Variants in VPS13B observed in about 807,000 individuals in gnomAD.
The protein encoded by VPS13B is intermembrane lipid transfer protein VPS13B.
Under a neutral mutation model 426.4 loss-of-function variants are expected in VPS13B, and 285 were observed. That is an observed-to-expected ratio of 0.67 (90% CI 0.61 to 0.74). The LOEUF (loss-of-function observed/expected upper bound fraction) is 0.74. Ranked by LOEUF, VPS13B falls within the 30% of genes least tolerant of loss-of-function variation. The pLI is 0.00. For synonymous variants in VPS13B, 1,676 were observed against 1,676.4 expected (o/e 1.00, Z 0.01); for missense variants, 4,537 against 4,782.6 (o/e 0.95, Z 1.51).
At chr8:99,285,435 G>A (rs1476471480) in intron 19 of VPS13B, among the ~76,000 whole-genome samples, 1 of 152,084 alleles carries the variant, frequency 6.6e-6, no homozygotes, top group Non-Finnish European at 1.5e-5. Context: ...AGAGTAAATA[G>A]TAGCTTCATT....
chr8:99,854,120 C>G lies in VPS13B; in HGVS notation c.10731C>G (p.Ser3577=). 2 of 1,613,386 alleles carry G rather than the reference C, an allele frequency of 1.2e-6. No individual in the cohort carries two copies. Among genetic ancestry groups the G allele is most frequent in the Non-Finnish European group, 1.7e-6 (2 of 1,179,566 alleles). Residue 3577 remains serine, a synonymous_variant, in exon 56 of 62, where the codon TCC becomes TCG. Coordinates refer to ENST00000357162, the MANE Select transcript of VPS13B (RefSeq NM_152564.5). ...ATTTGCTCGTCAGCATCCACGCTTC[C>G]CTCAAGCTGTACATAGCCTCAGACC... ...PVNLLVSIHA[S]LKLYIASDHT... is the part of the protein sequence containing the mutation.
At chr8:99,219,394 T>C (rs570554468) in intron 17 of VPS13B, among the ~76,000 whole-genome samples, 54 of 152,330 alleles carry the variant, frequency 3.5e-4, no homozygotes, top group African/African-American at 1.3e-3. Flanking sequence ...AAAGGCCCCA[T>C]TAGGCCTGCA....
intron 23 of VPS13B, among the ~76,000 whole-genome samples, chr8:99,461,787 C>A (rs1009998997): frequency 6.6e-6 from 1 of 152,142 alleles, no homozygotes; most frequent in African/African-American, 2.4e-5. Context: ...TAAAATGACA[C>A]CACCATCAGC....
intron 11 of VPS13B, 49 bp downstream of exon 11, chr8:99,135,782 C>T (rs768209661): frequency 6.2e-7 from 1 of 1,609,282 alleles, no homozygotes; most frequent in East Asian, 2.2e-5. Flanking sequence ...TTTGGGTGGA[C>T]ACATTGTATG....
intron 16 of VPS13B, among the ~76,000 whole-genome samples, chr8:99,183,208 T>C (rs537860807): frequency 9.8e-5 from 15 of 152,354 alleles, no homozygotes; most frequent in Non-Finnish European, 2.2e-4. Flanking sequence ...CGTTTTCTTC[T>C]TATTTAACAT....
At chr8:99,871,331 G>T in intron 60 of VPS13B, 117 bp from the exon 61 acceptor site, 1 of 1,480,464 alleles carries the variant, frequency 6.8e-7, no homozygotes, top group East Asian at 2.3e-5. Context: ...ATGGGTAACT[G>T]GATTGGTGAG....
chr8:99,740,591 C>T (rs1294733510), intron 39 of VPS13B, among the ~76,000 whole-genome samples: 4 of 152,168 alleles, frequency 2.6e-5, no homozygotes, highest in Non-Finnish European at 4.4e-5. Flanking sequence ...AGATTACTCA[C>T]AAAGGGAAAC....
intron 12 of VPS13B, among the ~76,000 whole-genome samples, chr8:99,137,665 C>A (rs894140258): frequency 6.6e-6 from 1 of 152,050 alleles, no homozygotes; most frequent in Non-Finnish European, 1.5e-5. Flanking sequence ...GGAATGGTTT[C>A]TAAATGTTGA....
chr8:99,718,859 A>C (rs1035086542), intron 37 of VPS13B, among the ~76,000 whole-genome samples: 1 of 151,728 alleles, frequency 6.6e-6, no homozygotes, highest in African/African-American at 2.4e-5. Context: ...GGTTCTCACT[A>C]TGTTGCCCAG....
chr8:99,854,702 G>A (rs1462167931), intron 56 of VPS13B, among the ~76,000 whole-genome samples: 3 of 152,076 alleles, frequency 2.0e-5, no homozygotes, highest in African/African-American at 2.4e-5. Flanking sequence ...TCAGTCCCTC[G>A]GCCTAAAAGG....
At chr8:99,756,837 A>G (rs1810665696) in intron 39 of VPS13B, among the ~76,000 whole-genome samples, 2 of 152,232 alleles carry the variant, frequency 1.3e-5, no homozygotes, top group African/African-American at 4.8e-5. Flanking sequence ...GAAATTGTAA[A>G]TGGCACATTA....
intron 2 of VPS13B, among the ~76,000 whole-genome samples, chr8:99,034,197 C>T (rs568218375): frequency 6.6e-6 from 1 of 152,204 alleles, no homozygotes; most frequent in South Asian, 2.1e-4. Context: ...ATGTCTGTTT[C>T]GTGTGCCTTC....
intron 23 of VPS13B, among the ~76,000 whole-genome samples, chr8:99,453,755 T>C (rs1818316071): frequency 6.6e-6 from 1 of 152,124 alleles, no homozygotes; most frequent in Non-Finnish European, 1.5e-5. Flanking sequence ...TTGAGTTTCA[T>C]AGCAAAATTG....
chr8:99,270,998 TC>T (rs1286337948), intron 17 of VPS13B, among the ~76,000 whole-genome samples: 1 of 152,102 alleles, frequency 6.6e-6, no homozygotes, highest in African/African-American at 2.4e-5. Flanking sequence ...TCCTTATTTC[TC>T]CAATCCTTTT....
intron 30 of VPS13B, among the ~76,000 whole-genome samples, chr8:99,554,648 A>G (rs571968318): frequency 5.9e-5 from 9 of 152,256 alleles, no homozygotes; most frequent in Admixed American, 1.3e-4. Flanking sequence ...AGACCCTAAG[A>G]ACAGAGATTT....
intron 43 of VPS13B, among the ~76,000 whole-genome samples, chr8:99,788,975 A>G (rs1308367395): frequency 2.0e-5 from 3 of 152,214 alleles, no homozygotes; most frequent in Non-Finnish European, 2.9e-5. Flanking sequence ...GACAGATAAT[A>G]GTTAAAATCT....
rs117611958 is a variant in VPS13B, at chr8:99,318,002, G to A, written c.2824+42748G>A. ...TTTTTTGGGGGGTTAGGAACATTAC[G>A]GAGCCTTTAGAAAGCTTTACTTTAC... On this transcript the variant is annotated intron_variant, in intron 19 of 61. Coordinates refer to ENST00000357162, the MANE Select transcript of VPS13B (RefSeq NM_152564.5). 8.0e-3 allele frequency among the ~76,000 whole-genome samples: 1,215 copies of A among 152,098 alleles called. 10 individuals carry two copies. Among genetic ancestry groups the A allele is most frequent in the Middle Eastern group, 0.014 (4 of 294 alleles).
intron 23 of VPS13B, among the ~76,000 whole-genome samples, chr8:99,453,212 G>A (rs1818283709): frequency 6.6e-6 from 1 of 152,000 alleles, no homozygotes; most frequent in Admixed American, 6.6e-5. Flanking sequence ...TTCTATTTTA[G>A]GTTTTTTAAG....
At chr8:99,376,448 G>C (rs1813492250) in intron 19 of VPS13B, among the ~76,000 whole-genome samples, 1 of 152,136 alleles carries the variant, frequency 6.6e-6, no homozygotes, top group Admixed American at 6.5e-5. Context: ...AAGGCTGGCT[G>C]TAAGTCATGA....
Sources: gnomAD v4.1 joint callset for allele counts (sites outside exome capture counted in the v4.1 genomes callset) on GRCh38, gnomAD v4.1.1 for gene constraint, MANE v1.5 for transcripts, NCBI Gene and HGNC (gene_info 2026-07-23, HGNC 2026-07-21) for gene names.